The following PAMR1 variants were observed in gnomAD, a reference collection of about 807,000 sequenced individuals.
The protein encoded by PAMR1 is peptidase domain containing associated with muscle regeneration 1.
Under a neutral mutation model 81.8 loss-of-function variants are expected in PAMR1, and 88 were observed. That is an observed-to-expected ratio of 1.08 (90% CI 0.91 to 1.28). The LOEUF is 1.28. PAMR1 is among the 50% of genes most tolerant of loss of function. PAMR1 has a pLI of 0.00. For missense variants in PAMR1, 935 were observed against 919.7 expected (o/e 1.02, Z -0.21); for synonymous variants, 336 against 345.3 (o/e 0.97, Z 0.30).
In PAMR1 at chr11:35,442,090, G is replaced by C. The variant is rs1395314612; in HGVS notation, c.821-397C>G. ...TTATCTCCTTCATTCTTTAAAGCTT[G>C]GGCAATTAAAAACTATTCCATTTCC... On this transcript the variant is annotated intron_variant, in intron 6 of 10. Transcript: ENST00000619888. Among the ~76,000 whole-genome samples, 5 of 152,182 alleles carry C rather than the reference G, an allele frequency of 3.3e-5. No individual in the cohort carries two copies. In the East Asian group the frequency reaches 9.7e-4, roughly 29 times the overall value.
Position 35,432,041 on chromosome 11 carries a change from T to G in PAMR1, c.*315A>C. 1 of 309,172 alleles carries G rather than the reference T, an allele frequency of 3.2e-6. No individual in the cohort carries two copies. The highest frequency in any genetic ancestry group is 6.1e-6 in the Non-Finnish European group (1 of 165,190). The allele number at this position is 309,172 out of a possible 1,614,324, so 19.2% of individuals were successfully genotyped here. On this transcript the variant is annotated 3_prime_UTR_variant, in exon 11 of 11. Transcript: ENST00000619888. ...ATCTTCCCTGGTCAAGCTGATGGCA[T>G]TCGTATAACTGAAAGTTGGGGAAGA...
At chr11:35,444,798 G>A (rs1206447649) in intron 6 of PAMR1, among the ~76,000 whole-genome samples, 1 of 152,128 alleles carries the variant, frequency 6.6e-6, no homozygotes, top group Non-Finnish European at 1.5e-5. Flanking sequence ...CATTCTTTTT[G>A]CTTAGGATTG....
chr11:35,487,293 T>C (rs1167279149), intron 3 of PAMR1, among the ~76,000 whole-genome samples: 1 of 151,774 alleles, frequency 6.6e-6, no homozygotes, highest in Non-Finnish European at 1.5e-5. Flanking sequence ...TCTCTGACCA[T>C]AATACCCATT....
At position 35,468,079 on chromosome 11, in the gene PAMR1, C is replaced by A. The variant is rs974483730; in HGVS notation, c.742G>T (p.Gly248Cys). 6.4e-7 allele frequency: 1 copy of A among 1,555,428 alleles called. No individual in the cohort carries two copies. ...ACSSSPCFHD[G>C]TCVLDKAGSY... ...CCAGCCTTGTCAAGGACGCACGTGC[C>A]GTCATGGAAACAAGGGGATGAGGAG... The change falls in exon 6 of 11, where the codon GGC (glycine) becomes TGC (cysteine). Residue 248 changes from glycine to cysteine, a missense_variant. Coordinates refer to ENST00000619888, the MANE Select transcript of PAMR1 (RefSeq NM_001001991.3).
chr11:35,523,795 C>A (rs1000017741), intron 1 of PAMR1, among the ~76,000 whole-genome samples: 2 of 152,204 alleles, frequency 1.3e-5, no homozygotes, highest in East Asian at 3.8e-4. Flanking sequence ...ACACATGAAG[C>A]TGCGCTCTGG....
intron 6 of PAMR1, among the ~76,000 whole-genome samples, chr11:35,457,100 T>C (rs781733791): frequency 1.3e-5 from 2 of 152,210 alleles, no homozygotes; most frequent in African/African-American, 2.4e-5. Context: ...GACTGGATCA[T>C]GAAATGCCAG....
intron 6 of PAMR1, chr11:35,453,387 A>T (rs1856461227): frequency 6.6e-6 from 1 of 152,148 alleles, no homozygotes; most frequent in South Asian, 2.1e-4. Flanking sequence ...TGTTGATCAC[A>T]CTTCTGGGTG....
At chr11:35,456,520 T>C (rs1258436589) in intron 6 of PAMR1, among the ~76,000 whole-genome samples, 2 of 152,194 alleles carry the variant, frequency 1.3e-5, no homozygotes, top group Non-Finnish European at 2.9e-5. Flanking sequence ...GCTCCCAGTT[T>C]TATCCTATTT....
At chr11:35,439,030 T>C (rs1856107806) in intron 8 of PAMR1, among the ~76,000 whole-genome samples, 1 of 152,158 alleles carries the variant, frequency 6.6e-6, no homozygotes, top group Admixed American at 6.5e-5. Context: ...GAGGCCCGTG[T>C]AGCTGAGTGG....
intron 1 of PAMR1, among the ~76,000 whole-genome samples, chr11:35,513,769 C>T (rs11033157): frequency 0.33 from 50,008 of 152,030 alleles, 8,640 homozygotes; most frequent in East Asian, 0.61. Context: ...GGGATGCTTG[C>T]TTAAAAGTCT....
intron 1 of PAMR1, among the ~76,000 whole-genome samples, chr11:35,517,150 A>G (rs1340668811): frequency 5.3e-5 from 8 of 152,234 alleles, no homozygotes; most frequent in Middle Eastern, 3.4e-3. Flanking sequence ...TGAGATTCAC[A>G]GCTCAGTTTG....
intron 6 of PAMR1, among the ~76,000 whole-genome samples, chr11:35,450,958 G>A (rs896232053): frequency 1.3e-5 from 2 of 152,186 alleles, no homozygotes; most frequent in Non-Finnish European, 2.9e-5. Flanking sequence ...GCTCCCCATC[G>A]ATTTTGACCA....
At chr11:35,514,883 T>G (rs1363884639) in intron 1 of PAMR1, among the ~76,000 whole-genome samples, 1 of 152,074 alleles carries the variant, frequency 6.6e-6, no homozygotes, top group African/African-American at 2.4e-5. Flanking sequence ...TACACAACTG[T>G]GGTCCCAGCT....
chr11:35,435,832 G>T (rs760745792), intron 9 of PAMR1, 71 bp downstream of exon 9: 13 of 1,141,352 alleles, frequency 1.1e-5, no homozygotes, highest in Non-Finnish European at 1.6e-5. Context: ...CAAAAAGTAG[G>T]GTTAATGGTT....
intron 3 of PAMR1, among the ~76,000 whole-genome samples, chr11:35,491,277 G>C (rs1176198630): frequency 1.3e-5 from 2 of 152,096 alleles, no homozygotes; most frequent in African/African-American, 4.8e-5. Flanking sequence ...GATTTTATCA[G>C]TCAAAGATAC....
rs1850361589 is a variant in PAMR1 at position 35,480,180 on chromosome 11, A to G, written c.380-5436T>C. Among the ~76,000 whole-genome samples, 5 of 152,308 alleles carry G rather than the reference A, an allele frequency of 3.3e-5. No individual in the cohort carries two copies. The South Asian group carries it at 6.2e-4, about 19-fold the overall frequency. ...AACTGAATGAATAGTTAGACCAAAA[A>G]ACCAATTCAAACTTATTTCTGTCCA... is the stretch of plus-strand genomic sequence containing the variant. On this transcript the variant is annotated intron_variant, in intron 3 of 10. Transcript: ENST00000619888.
At chr11:35,529,604 C>G (rs1266888050), upstream of PAMR1, among the ~76,000 whole-genome samples, 1 of 152,136 alleles carries the variant, frequency 6.6e-6, no homozygotes, top group Non-Finnish European at 1.5e-5. Flanking sequence ...AGAATAGTAC[C>G]TGTTGCCATT....
chr11:35,516,218 C>T (rs780702020), intron 1 of PAMR1, among the ~76,000 whole-genome samples: 18 of 152,290 alleles, frequency 1.2e-4, no homozygotes, highest in South Asian at 2.1e-4. Flanking sequence ...CAGCCATAAA[C>T]GACAGAGCGA....
chr11:35,521,034 C>G (rs1010394), intron 1 of PAMR1, among the ~76,000 whole-genome samples: 30,299 of 152,086 alleles, frequency 0.2, 3,144 homozygotes, highest in East Asian at 0.28. Context: ...GGGACTTACG[C>G]GCTCTAGGTC....
Sources: gnomAD v4.1 joint callset for allele counts (sites outside exome capture counted in the v4.1 genomes callset) on GRCh38, gnomAD v4.1.1 for gene constraint, MANE v1.5 for transcripts, NCBI Gene and HGNC (gene_info 2026-07-23, HGNC 2026-07-21) for gene names.